The following FSTL5 variants were observed in gnomAD, a reference collection of about 807,000 sequenced individuals.
The protein encoded by FSTL5 is follistatin like 5.
FSTL5 carries 62 observed loss-of-function variants against 89.1 expected under a neutral mutation model. The observed-to-expected ratio is 0.70, with a 90% CI of 0.57 to 0.86. The LOEUF is 0.86. Among genes scored for constraint, FSTL5 ranks in the 40% least tolerant of loss-of-function variants. FSTL5 has a pLI of 0.00. For missense variants in FSTL5, 1,057 were observed against 1,001.6 expected (o/e 1.06, Z -0.75); for synonymous variants, 383 against 346.2 (o/e 1.11, Z -1.18).
chr4:161,661,024 G>C (rs1267973179), intron 6 of FSTL5, among the ~76,000 whole-genome samples: 1 of 152,082 alleles, frequency 6.6e-6, no homozygotes, highest in Non-Finnish European at 1.5e-5. Context: ...CTGGGTCAAT[G>C]GGAGTGTAAA....
intron 11 of FSTL5, among the ~76,000 whole-genome samples, chr4:161,502,244 G>T (rs1182600700): frequency 6.6e-6 from 1 of 151,858 alleles, no homozygotes; most frequent in Non-Finnish European, 1.5e-5. Flanking sequence ...GAGTCAGTGG[G>T]ATTCCACTAT....
intron 4 of FSTL5, among the ~76,000 whole-genome samples, chr4:161,843,281 GTTT>G (rs1365045413): frequency 6.6e-6 from 1 of 152,084 alleles, no homozygotes; most frequent in Non-Finnish European, 1.5e-5. Context: ...ATTTAAAGTA[GTTT>G]TTCTAATTAT....
rs1441756655 is a variant in FSTL5 at position 161,587,506 on chromosome 4, A to G, written c.964T>C (p.Tyr322His). 32 of 1,612,134 alleles carry G rather than the reference A, an allele frequency of 2.0e-5. No individual in the cohort carries two copies. Among genetic ancestry groups the G allele is most frequent in the Non-Finnish European group, 2.7e-5 (32 of 1,178,466 alleles). The change falls in exon 8 of 16, where the codon TAT becomes CAT. Residue 322 changes from tyrosine (Y) to histidine (H), a missense_variant. Transcript: ENST00000306100. ...TTTHVGNYTC[Y>H]ADGYEQVYQT... ...TAGACTTGTTCATAGCCATCTGCAT[A>G]GCAGGTGTAATTGCCAACGTGAGTT...
chr4:161,661,325 T>C (rs886657398), intron 6 of FSTL5, among the ~76,000 whole-genome samples: 1 of 152,156 alleles, frequency 6.6e-6, no homozygotes, highest in Non-Finnish European at 1.5e-5. Context: ...ATAATCTTAT[T>C]ATCCTCATCA....
chr4:161,709,050 G>T (rs143579506), intron 6 of FSTL5, among the ~76,000 whole-genome samples: 5 of 152,088 alleles, frequency 3.3e-5, no homozygotes, highest in Non-Finnish European at 7.4e-5. Flanking sequence ...CAAAAGTTGT[G>T]ATTATTTTGC....
chr4:161,399,496 T>G (rs890437169), intron 15 of FSTL5, among the ~76,000 whole-genome samples: 1 of 152,136 alleles, frequency 6.6e-6, no homozygotes, highest in East Asian at 1.9e-4. Context: ...AGATGAATAG[T>G]CTAAAACGGC....
At chr4:161,589,225 G>T (rs1733724539) in intron 7 of FSTL5, among the ~76,000 whole-genome samples, 1 of 151,958 alleles carries the variant, frequency 6.6e-6, no homozygotes, top group Non-Finnish European at 1.5e-5. Context: ...CCAAGCTGAA[G>T]TGCAATGGCA....
At chr4:161,822,989 T>G (rs1322643508) in intron 4 of FSTL5, among the ~76,000 whole-genome samples, 1 of 152,138 alleles carries the variant, frequency 6.6e-6, no homozygotes. Flanking sequence ...AGTGTCCACC[T>G]CTCAGCAGAG....
At chr4:161,656,124 A>C (rs1052045424) in intron 7 of FSTL5, among the ~76,000 whole-genome samples, 2 of 152,114 alleles carry the variant, frequency 1.3e-5, no homozygotes, top group African/African-American at 4.8e-5. Flanking sequence ...CCACACAACC[A>C]TTTTGCTATA....
At chr4:161,853,786 A>G (rs1348100226) in intron 4 of FSTL5, among the ~76,000 whole-genome samples, 6 of 152,116 alleles carry the variant, frequency 3.9e-5, no homozygotes, top group Non-Finnish European at 8.8e-5. Context: ...AGATGTCCTT[A>G]TTCATTAAAA....
intron 6 of FSTL5, among the ~76,000 whole-genome samples, chr4:161,723,110 A>T (rs1017186023): frequency 1.3e-5 from 2 of 152,086 alleles, no homozygotes; most frequent in African/African-American, 2.4e-5. Flanking sequence ...CATTTAAGGA[A>T]TTTTTTTGCC....
intron 7 of FSTL5, among the ~76,000 whole-genome samples, chr4:161,593,712 C>T (rs1049889000): frequency 9.2e-5 from 14 of 152,158 alleles, no homozygotes; most frequent in African/African-American, 3.4e-4. Context: ...TACGATCAAT[C>T]ATACCACATT....
chr4:162,098,137 T>C (rs893254758), intron 2 of FSTL5, among the ~76,000 whole-genome samples: 1 of 151,906 alleles, frequency 6.6e-6, no homozygotes, highest in Non-Finnish European at 1.5e-5. Context: ...ACTAGATATA[T>C]AAAAAGGAAT....
chr4:161,942,771 C>A (rs1020061763), intron 3 of FSTL5, among the ~76,000 whole-genome samples: 3 of 152,004 alleles, frequency 2.0e-5, no homozygotes, highest in Non-Finnish European at 4.4e-5. Context: ...TTACCTAAGA[C>A]ATTGGTGTCC....
intron 4 of FSTL5, among the ~76,000 whole-genome samples, chr4:161,845,325 C>A (rs1266766610): frequency 6.6e-6 from 1 of 152,104 alleles, no homozygotes; most frequent in African/African-American, 2.4e-5. Context: ...GTTGTCTCTC[C>A]TGTTGCAGAA....
intron 4 of FSTL5, among the ~76,000 whole-genome samples, chr4:161,788,452 C>T (rs1028495242): frequency 6.6e-6 from 1 of 152,284 alleles, no homozygotes; most frequent in East Asian, 1.9e-4. Context: ...TTCCACTATT[C>T]TATTCTCTAC....
chr4:161,492,556 T>C (rs1729918393), intron 12 of FSTL5, among the ~76,000 whole-genome samples: 1 of 152,146 alleles, frequency 6.6e-6, no homozygotes, highest in Admixed American at 6.5e-5. Context: ...AATAGGTAGA[T>C]AGCATAGCTC....
At chr4:161,607,680 T>C (rs1734501438) in intron 7 of FSTL5, among the ~76,000 whole-genome samples, 1 of 152,154 alleles carries the variant, frequency 6.6e-6, no homozygotes, top group Admixed American at 6.5e-5. Context: ...AAAGGTGTAA[T>C]TGGTTTTGAG....
chr4:161,686,397 C>T (rs1318936937), intron 6 of FSTL5, among the ~76,000 whole-genome samples: 2 of 107,004 alleles, frequency 1.9e-5, no homozygotes, highest in East Asian at 6.7e-4. Context: ...ATCTCTCTGT[C>T]GCCCAGGCTG....
Sources: gnomAD v4.1 joint callset for allele counts (sites outside exome capture counted in the v4.1 genomes callset) on GRCh38, gnomAD v4.1.1 for gene constraint, MANE v1.5 for transcripts, NCBI Gene and HGNC (gene_info 2026-07-23, HGNC 2026-07-21) for gene names.